NIN: variants seen among roughly 807,000 people sequenced by gnomAD.
NIN encodes ninein, also known as glycogen synthase kinase 3 beta-interacting protein.
NIN carries 137 observed loss-of-function variants against 257.6 expected under a neutral mutation model. The ratio of observed to expected loss-of-function variants is 0.53; its 90% CI spans 0.46 to 0.61. The LOEUF (loss-of-function observed/expected upper bound fraction) is 0.61. NIN is among the 20% of genes least tolerant of loss of function. NIN has a pLI of 0.00. For synonymous variants in NIN, 918 were observed against 919.8 expected, an observed-to-expected ratio of 1.00 and a Z score of 0.04; for missense variants, 2,439 against 2,501.2, an observed-to-expected ratio of 0.98 and a Z score of 0.53.
Position 50,772,319 on chromosome 14 carries a change from G to A in NIN, c.963C>T (p.Asn321=), listed in dbSNP as rs1267963835. Residue 321 remains asparagine, a synonymous_variant, in exon 9 of 31, where the codon AAC becomes AAT. Transcript: ENST00000530997. ...LDTWQEEGIE[N]SQEILKALDF... is the part of the protein sequence containing the mutation. ...GCCACACCTTCAGGATCTCCTGGCT[G>A]TTCTCAATGCCCTCTTCCTGCCAGG... is the stretch of plus-strand genomic sequence containing the variant. 5.0e-6 allele frequency: 8 copies of A among 1,608,114 alleles called. No individual in the cohort carries two copies. The highest frequency in any genetic ancestry group is 6.0e-6 in the Non-Finnish European group (7 of 1,175,038).
Position 50,757,974 on chromosome 14 carries a change from A to G in NIN, c.3056T>C (p.Ile1019Thr). The stretch of plus-strand genomic sequence containing the variant: ...AGATGTTGCCTGCTGCATTTCCTTT[A>G]TTTTACTCTGAAGTCTGGAGATTTC... Reference protein sequence around the residue: ...STEISRLQSKIKEMQQATSPL... With the variant: ...STEISRLQSKTKEMQQATSPL... Residue 1019 changes from isoleucine to threonine, a missense_variant, in exon 18 of 31, where the codon ATA becomes ACA. This residue lies in a region of NIN where 2,043 missense variants were observed against 2,050.2 expected (regional missense o/e 1.00). Transcript: ENST00000530997. The G allele has an allele frequency of 6.2e-7, 1 of 1,613,756 alleles. No individual in the cohort carries two copies. Among genetic ancestry groups the G allele is most frequent in the Non-Finnish European group, 8.5e-7 (1 of 1,179,946 alleles).
intron 26 of NIN, 144 bp downstream of exon 26, chr14:50,739,164 A>C: frequency 1.6e-6 from 1 of 643,236 alleles, no homozygotes; most frequent in Non-Finnish European, 2.6e-6. Context: ...GTAAATGATA[A>C]ATGATACATT....
At chr14:50,782,259 T>C (rs2043164182) in intron 5 of NIN, among the ~76,000 whole-genome samples, 1 of 152,230 alleles carries the variant, frequency 6.6e-6, no homozygotes, top group African/African-American at 2.4e-5. Context: ...TTCATACTTT[T>C]TGATCCAATA....
At chr14:50,763,217 G>A (rs547389434) in intron 15 of NIN, among the ~76,000 whole-genome samples, 3 of 151,850 alleles carry the variant, frequency 2.0e-5, no homozygotes, top group African/African-American at 4.8e-5. Flanking sequence ...CAACACCCCC[G>A]AGAAAAGAGG....
chr14:50,736,498 T>C (rs2040987646), intron 27 of NIN, among the ~76,000 whole-genome samples: 1 of 152,194 alleles, frequency 6.6e-6, no homozygotes, highest in Non-Finnish European at 1.5e-5. Context: ...CGAGTCAGAA[T>C]ATTGCTCAGT....
chr14:50,830,128 G>A (rs1349355028), intron 2 of NIN, among the ~76,000 whole-genome samples: 2 of 152,128 alleles, frequency 1.3e-5, no homozygotes, highest in East Asian at 3.9e-4. Context: ...CCTCTGCAGC[G>A]TCTCAATCAC....
Position 50,773,028 on chromosome 14 carries a change from C to T in NIN, c.734G>A (p.Gly245Asp). 1 of 1,612,644 alleles carries T rather than the reference C, an allele frequency of 6.2e-7. No individual in the cohort carries two copies. Among genetic ancestry groups the T allele is most frequent in the Non-Finnish European group, 8.5e-7 (1 of 1,178,816 alleles). The change falls in exon 8 of 31, where the codon GGT becomes GAT. Residue 245 changes from glycine to aspartate, a missense_variant. Gly to Asp is a moderately conservative substitution (Grantham distance 94). This residue lies in a region of NIN where 387 missense variants were observed against 427.3 expected (regional missense o/e 0.91). Transcript: ENST00000530997. ...AAGAGATTTTCCATTTTTAAACAAA[C>T]CATAGAAAAAATCTTCTACACTCAT... ...GTMSVEDFFY[G>D]LFKNGKSLTP...
intron 27 of NIN, among the ~76,000 whole-genome samples, chr14:50,737,858 G>A (rs1444591142): frequency 6.6e-6 from 1 of 151,990 alleles, no homozygotes; most frequent in Non-Finnish European, 1.5e-5. Flanking sequence ...TATTGGTCAG[G>A]CTGGTCTCAA....
At chr14:50,818,710 A>G (rs1413022170) in intron 3 of NIN, among the ~76,000 whole-genome samples, 1 of 152,204 alleles carries the variant, frequency 6.6e-6, no homozygotes, top group Admixed American at 6.5e-5. Context: ...TCAGGGATCC[A>G]CAAGCTTTAC....
intron 4 of NIN, among the ~76,000 whole-genome samples, chr14:50,795,612 G>A (rs2094042353): frequency 6.6e-6 from 1 of 152,182 alleles, no homozygotes; most frequent in Non-Finnish European, 1.5e-5. Context: ...TTTACTTTCT[G>A]AGCACATCCA....
intron 30 of NIN, 85 bp downstream of exon 30, chr14:50,725,868 C>T (rs201612098): frequency 6.8e-5 from 110 of 1,606,268 alleles, no homozygotes; most frequent in Middle Eastern, 1.7e-4. Context: ...CATAAGTTAA[C>T]GAGTTAATGG....
chr14:50,796,607 T>C (rs1472001678), intron 4 of NIN, among the ~76,000 whole-genome samples: 1 of 152,110 alleles, frequency 6.6e-6, no homozygotes, highest in Non-Finnish European at 1.5e-5. Context: ...TAAACCACCA[T>C]GCACATGTAT....
chr14:50,784,885 C>G (rs1885441), intron 5 of NIN, among the ~76,000 whole-genome samples: 126,887 of 152,182 alleles, frequency 0.83, 56,354 homozygotes, highest in East Asian at 1. Context: ...AGCCACGGCT[C>G]GCAGAGGCTG....
intron 28 of NIN, among the ~76,000 whole-genome samples, chr14:50,731,354 A>G (rs1393200395): frequency 2.0e-5 from 3 of 151,550 alleles, no homozygotes; most frequent in Non-Finnish European, 4.4e-5. Flanking sequence ...ACGTGGTGAA[A>G]CCCCGTCTCT....
At chr14:50,827,970 G>GA (rs139378214) in intron 2 of NIN, among the ~76,000 whole-genome samples, 33,696 of 144,290 alleles carry the variant, frequency 0.23, 4,160 homozygotes, top group East Asian at 0.4. Flanking sequence ...TTAGCTACAG[G>GA]AAAAAAAAAA....
chr14:50,755,647 T>G (rs1304717075), intron 18 of NIN, among the ~76,000 whole-genome samples: 2 of 98,778 alleles, frequency 2.0e-5, no homozygotes, highest in African/African-American at 7.3e-5. Context: ...TTGTTTTGTC[T>G]CTTTTTTTTT....
intron 5 of NIN, 170 bp downstream of exon 5, chr14:50,792,538 AAGAT>A (rs1413014923): frequency 1.1e-5 from 7 of 661,198 alleles, no homozygotes; most frequent in Non-Finnish European, 1.3e-5. Context: ...AAACATTCAA[AAGAT>A]AGAAACATTA....
chr14:50,726,525 T>C (rs1033002103), intron 29 of NIN: 2 of 153,876 alleles, frequency 1.3e-5, no homozygotes, highest in African/African-American at 4.8e-5. Context: ...CATGTCTGTT[T>C]TTCCTTTGAA....
chr14:50,756,967 G>C lies in NIN; in HGVS notation c.4063C>G (p.Leu1355Val). Residue 1355 changes from leucine to valine, a missense_variant, in exon 18 of 31, where the codon CTG becomes GTG. By Grantham distance (32) the Leu-to-Val change is conservative. Around this residue, in one of 3 missense-constraint regions of NIN, gnomAD observed 2,043 missense variants for 2,050.2 expected, o/e 1.00. Coordinates refer to ENST00000530997, the MANE Select transcript of NIN (RefSeq NM_020921.4). ...CCLWEASLEN[L>V]EIEPDGNILQ... ...ATATTTCCATCAGGTTCGATTTCCA[G>C]GTTCTCTAAACTGGCTTCCCATAAG... 6.2e-7 allele frequency: 1 copy of C among 1,610,676 alleles called. No homozygotes were observed. Among genetic ancestry groups the C allele is most frequent in the Non-Finnish European group, 8.5e-7 (1 of 1,178,128 alleles).
Sources: allele counts gnomAD v4.1 joint callset (sites outside exome capture counted in the v4.1 genomes callset), GRCh38; gene constraint gnomAD v4.1.1; regional missense constraint gnomAD v4.1.1; transcripts MANE v1.5; gene names NCBI Gene and HGNC (gene_info 2026-07-23, HGNC 2026-07-21).